The following TMEM74 variants were observed in gnomAD, a reference collection of about 807,000 sequenced individuals.
TMEM74 encodes transmembrane protein 74.
Under a neutral mutation model 18.1 loss-of-function variants are expected in TMEM74, and 13 were observed. That is an observed-to-expected ratio of 0.72 (90% CI 0.47 to 1.14). The LOEUF (loss-of-function observed/expected upper bound fraction) is 1.14, where lower values mean the gene tolerates loss of function less well. TMEM74 is among the 50% of genes most tolerant of loss of function. TMEM74 has a pLI of 0.00. For synonymous variants in TMEM74, 159 were observed against 146.6 expected (o/e 1.08, Z -0.61); for missense variants, 372 against 375.9 (o/e 0.99, Z 0.09).
intron 1 of TMEM74, among the ~76,000 whole-genome samples, chr8:108,690,746 G>C (rs545223713): frequency 6.4e-4 from 98 of 152,166 alleles, no homozygotes; most frequent in African/African-American, 2.3e-3. Flanking sequence ...GGCTGAACCC[G>C]GGAGGCGGAG....
intron 2 of TMEM74, among the ~76,000 whole-genome samples, chr8:108,635,741 GC>G (rs1199936543): frequency 3.9e-5 from 6 of 151,966 alleles, no homozygotes; most frequent in Admixed American, 1.3e-4. Flanking sequence ...ATTCCAGCCT[GC>G]AACCTTGACT....
intron 2 of TMEM74, among the ~76,000 whole-genome samples, chr8:108,620,378 G>C (rs1208558389): frequency 3.9e-5 from 6 of 152,108 alleles, no homozygotes; most frequent in Admixed American, 3.9e-4. Flanking sequence ...TAGGAAAATT[G>C]CCCATGGCTA....
Position 108,624,486 on chromosome 8 carries a change from T to A in TMEM74, n.265-15660A>T, listed in dbSNP as rs977575803. On this transcript the variant is annotated intron_variant and non_coding_transcript_variant, in intron 2 of 3. Coordinates refer to the TMEM74 transcript ENST00000518838. ...AACACCTCAAGAGAAAGTGATTACTTCTTCCTTAAAGAAAATTTGTGGATT... is the reference window on the plus strand; with the variant it reads ...AACACCTCAAGAGAAAGTGATTACTACTTCCTTAAAGAAAATTTGTGGATT... 3.9e-5 allele frequency among the ~76,000 whole-genome samples: 6 copies of A among 152,234 alleles called. No individual in the cohort carries two copies. The East Asian group carries it at 1.2e-3, about 29-fold the overall frequency.
At chr8:108,767,396 C>G (rs1444781000) in intron 1 of TMEM74, among the ~76,000 whole-genome samples, 2 of 152,084 alleles carry the variant, frequency 1.3e-5, no homozygotes, top group African/African-American at 4.8e-5. Flanking sequence ...GCCGTGGTAT[C>G]TTAGTTTTCT....
At chr8:108,711,668 G>C (rs1354830913) in intron 1 of TMEM74, among the ~76,000 whole-genome samples, 1 of 152,168 alleles carries the variant, frequency 6.6e-6, no homozygotes, top group Non-Finnish European at 1.5e-5. Context: ...GAGTCCTTGA[G>C]TCAAAACCTC....
chr8:108,787,199 C>G (rs1028553975), intron 1 of TMEM74, among the ~76,000 whole-genome samples: 4 of 152,334 alleles, frequency 2.6e-5, no homozygotes, highest in Non-Finnish European at 5.9e-5. Flanking sequence ...CAAGGCTGAT[C>G]TCGGGGAGGC....
In TMEM74 at chr8:108,782,610, C is replaced by A. The variant is rs1814321984; in HGVS notation, c.*1571G>T. On this transcript the variant is annotated 3_prime_UTR_variant, in exon 2 of 2. Coordinates refer to ENST00000297459, the MANE Select transcript of TMEM74 (RefSeq NM_153015.3). ...CCTGATTCACACATTTTGCCAAAGT[C>A]ACCCATGTATTCCACAGTTGTCCAC... Among the ~76,000 whole-genome samples the A allele has an allele frequency of 6.6e-6, 1 of 152,194 alleles. No individual in the cohort carries two copies. The highest frequency in any genetic ancestry group is 1.5e-5 in the Non-Finnish European group (1 of 68,030).
intron 1 of TMEM74, among the ~76,000 whole-genome samples, chr8:108,744,066 A>T (rs1241955855): frequency 6.6e-6 from 1 of 152,172 alleles, no homozygotes; most frequent in African/African-American, 2.4e-5. Context: ...GGAGGTGTGC[A>T]ACATTTCCTC....
rs551254803 is a variant in TMEM74 at position 108,696,111 on chromosome 8, A to G, written n.120-40674T>C. On this transcript the variant is annotated intron_variant and non_coding_transcript_variant, in intron 1 of 3. Coordinates refer to the TMEM74 transcript ENST00000518838. ...CAATGACAAAATGCTTGACAGTATCACAAAAAGTCTTCATATGTAACTTAT... is the reference window on the plus strand; with the variant it reads ...CAATGACAAAATGCTTGACAGTATCGCAAAAAGTCTTCATATGTAACTTAT... Among the ~76,000 whole-genome samples, 6 of 152,338 alleles carry G rather than the reference A, an allele frequency of 3.9e-5. No individual in the cohort carries two copies. The East Asian group carries it at 1.2e-3, about 29-fold the overall frequency.
chr8:108,714,289 G>T (rs1262065785), intron 1 of TMEM74, among the ~76,000 whole-genome samples: 1 of 152,104 alleles, frequency 6.6e-6, no homozygotes, highest in Non-Finnish European at 1.5e-5. Context: ...GACAATAACT[G>T]AATAACTGAA....
intron 1 of TMEM74, among the ~76,000 whole-genome samples, chr8:108,703,114 G>T (rs1303422241): frequency 6.6e-6 from 1 of 152,088 alleles, no homozygotes; most frequent in East Asian, 1.9e-4. Context: ...GAAGCAGGTG[G>T]AATACGTGAT....
At chr8:108,778,297 C>T (rs559327847), downstream of TMEM74, among the ~76,000 whole-genome samples, 2 of 152,258 alleles carry the variant, frequency 1.3e-5, no homozygotes, top group African/African-American at 4.8e-5. Context: ...TGACCTGGTG[C>T]AGTGTCTCTT....
intron 1 of TMEM74, among the ~76,000 whole-genome samples, chr8:108,682,949 G>A (rs1331581833): frequency 3.3e-5 from 5 of 151,202 alleles, no homozygotes; most frequent in Admixed American, 1.3e-4. Flanking sequence ...AGTGTATTAA[G>A]GAATAAAGAA....
intron 2 of TMEM74, among the ~76,000 whole-genome samples, chr8:108,617,426 C>T (rs1262524371): frequency 6.6e-6 from 1 of 152,096 alleles, no homozygotes; most frequent in Non-Finnish European, 1.5e-5. Context: ...GAAGCAGCTG[C>T]TATTGCAGAT....
At chr8:108,754,321 G>A (rs546195684) in intron 1 of TMEM74, among the ~76,000 whole-genome samples, 392 of 151,970 alleles carry the variant, frequency 2.6e-3, no homozygotes, top group Middle Eastern at 3.4e-3. Context: ...ATATATTCAA[G>A]ATAAAAATAA....
chr8:108,747,991 C>A (rs181364907), intron 1 of TMEM74, among the ~76,000 whole-genome samples: 34 of 152,102 alleles, frequency 2.2e-4, no homozygotes, highest in South Asian at 4.2e-4. Flanking sequence ...GATTCCAAGT[C>A]TTTGTTATTG....
At chr8:108,769,148 G>C (rs149461267) in intron 1 of TMEM74, among the ~76,000 whole-genome samples, 81 of 150,072 alleles carry the variant, frequency 5.4e-4, no homozygotes, top group African/African-American at 1.9e-3. Flanking sequence ...AGTAGTAGTA[G>C]GTTACTACTA....
At chr8:108,692,043 A>T (rs2130608154) in intron 1 of TMEM74, among the ~76,000 whole-genome samples, 1 of 152,248 alleles carries the variant, frequency 6.6e-6, no homozygotes, top group Middle Eastern at 3.4e-3. Flanking sequence ...CTTACAAGAG[A>T]CCTTCCATGT....
chr8:108,682,253 C>T (rs1813122543), intron 1 of TMEM74, among the ~76,000 whole-genome samples: 1 of 152,030 alleles, frequency 6.6e-6, no homozygotes, highest in Non-Finnish European at 1.5e-5. Context: ...TTCTCATCTC[C>T]AGGCTTTTGC....
Sources: allele counts gnomAD v4.1 joint callset (sites outside exome capture counted in the v4.1 genomes callset), GRCh38; gene constraint gnomAD v4.1.1; transcripts MANE v1.5; gene names NCBI Gene and HGNC (gene_info 2026-07-23, HGNC 2026-07-21).